SLC25A48: variants seen among roughly 807,000 people sequenced by gnomAD.
SLC25A48 encodes the protein CTC-321K16.1.
SLC25A48 carries 29 observed loss-of-function variants against 32.2 expected under a neutral mutation model. That is an observed-to-expected ratio of 0.90 (90% CI 0.67 to 1.23). The LOEUF (loss-of-function observed/expected upper bound fraction) is 1.23, where lower values mean the gene tolerates loss of function less well. Ranked by LOEUF, SLC25A48 falls within the 50% of genes most tolerant of loss-of-function variation. The pLI is 0.00. For missense variants in SLC25A48, 399 were observed against 422.7 expected, an observed-to-expected ratio of 0.94 and a Z score of 0.49; for synonymous variants, 164 against 172.3, an observed-to-expected ratio of 0.95 and a Z score of 0.38.
intron 3 of SLC25A48, among the ~76,000 whole-genome samples, chr5:135,693,153 T>G (rs1013144604): frequency 2.6e-5 from 4 of 152,256 alleles, no homozygotes; most frequent in Non-Finnish European, 4.4e-5. Flanking sequence ...TTTTAAAAAT[T>G]TAAACTGTCT....
intron 3 of SLC25A48, among the ~76,000 whole-genome samples, chr5:135,639,330 A>T (rs962569314): frequency 6.6e-6 from 1 of 152,234 alleles, no homozygotes; most frequent in Non-Finnish European, 1.5e-5. Context: ...TTGTTCAGAA[A>T]GCTTTATATT....
chr5:135,847,144 A>G (rs922930365), intron 2 of SLC25A48, among the ~76,000 whole-genome samples: 1 of 152,220 alleles, frequency 6.6e-6, no homozygotes. Context: ...GATATTTTCC[A>G]TAATAACTAA....
chr5:135,725,801 T>A (rs1755075855), intron 3 of SLC25A48, among the ~76,000 whole-genome samples: 1 of 152,102 alleles, frequency 6.6e-6, no homozygotes, highest in Non-Finnish European at 1.5e-5. Flanking sequence ...TCAGAGGCAG[T>A]TAACAGATCA....
At chr5:135,661,638 C>A (rs535027674) in intron 3 of SLC25A48, among the ~76,000 whole-genome samples, 3 of 152,172 alleles carry the variant, frequency 2.0e-5, no homozygotes. Context: ...AAGGAGTAAC[C>A]ACTATCAACT....
chr5:135,869,548 T>C (rs1398376909), intron 4 of SLC25A48, among the ~76,000 whole-genome samples: 2 of 152,190 alleles, frequency 1.3e-5, no homozygotes, highest in Non-Finnish European at 2.9e-5. Context: ...TGAAAGCCAC[T>C]ATTTACCCAT....
intron 4 of SLC25A48, among the ~76,000 whole-genome samples, chr5:135,870,010 G>A (rs1410908071): frequency 2.0e-5 from 3 of 152,224 alleles, no homozygotes; most frequent in East Asian, 1.9e-4. Context: ...TCTGGGATGA[G>A]TTAAAGTACA....
In SLC25A48 at chr5:135,834,863, C is replaced by T; in HGVS notation, c.16C>T (p.Leu6=). Residue 6 remains leucine (L), a synonymous_variant, in exon 1 of 8, where the codon CTG becomes TTG. Transcript: ENST00000681962. MGSFQ[L]EDFAAGWIGG... ...AGCGCCGGCCATGGGAAGCTTCCAG[C>T]TGGAAGACTTTGCGGCGGGCTGGAT... 1.2e-6 allele frequency: 2 copies of T among 1,604,590 alleles called. No individual in the cohort carries two copies. The highest frequency in any genetic ancestry group is 1.7e-6 in the Non-Finnish European group (2 of 1,176,430).
intron 1 of SLC25A48, among the ~76,000 whole-genome samples, chr5:135,583,537 G>A (rs1751282388): frequency 6.6e-6 from 1 of 151,756 alleles, no homozygotes; most frequent in Admixed American, 6.6e-5. Context: ...TTCAGCACTG[G>A]TAGAGGCTGA....
intron 3 of SLC25A48, among the ~76,000 whole-genome samples, chr5:135,767,392 G>C (rs376228470): frequency 1.0e-3 from 154 of 152,036 alleles, no homozygotes; most frequent in South Asian, 2.9e-3. Flanking sequence ...CATATTGCGG[G>C]CGGTGCACAC....
chr5:135,832,999 G>C (rs1314181436), upstream of SLC25A48, among the ~76,000 whole-genome samples: 1 of 152,234 alleles, frequency 6.6e-6, no homozygotes, highest in African/African-American at 2.4e-5. Context: ...AAGTGCGAAG[G>C]CCAGGAAGAA....
At chr5:135,585,444 C>T (rs186986366) in intron 1 of SLC25A48, among the ~76,000 whole-genome samples, 2 of 152,300 alleles carry the variant, frequency 1.3e-5, no homozygotes, top group Admixed American at 6.5e-5. Context: ...CTGCTGTCCG[C>T]GTGGCTCGTA....
intron 1 of SLC25A48, among the ~76,000 whole-genome samples, chr5:135,580,191 T>C (rs1458028310): frequency 6.6e-6 from 1 of 152,182 alleles, no homozygotes; most frequent in Non-Finnish European, 1.5e-5. Flanking sequence ...GTCACAGAGC[T>C]AGGAAGCAGG....
intron 2 of SLC25A48, among the ~76,000 whole-genome samples, chr5:135,850,105 C>T (rs986856275): frequency 2.0e-5 from 3 of 152,090 alleles, no homozygotes; most frequent in African/African-American, 7.2e-5. Flanking sequence ...GAGGGTGGAG[C>T]GACAGACAGC....
intron 3 of SLC25A48, among the ~76,000 whole-genome samples, chr5:135,689,370 G>A (rs1754091956): frequency 6.6e-6 from 1 of 152,122 alleles, no homozygotes; most frequent in African/African-American, 2.4e-5. Flanking sequence ...ATGGTTTTGG[G>A]GAAGGAATCA....
chr5:135,872,008 T>G, intron 5 of SLC25A48: 3 of 1,303,458 alleles, frequency 2.3e-6, no homozygotes, highest in Non-Finnish European at 2.9e-6. Context: ...AGGAAATCCA[T>G]TATCATGGTT....
At chr5:135,796,335 C>T (rs1757175291) in intron 3 of SLC25A48, among the ~76,000 whole-genome samples, 3 of 151,782 alleles carry the variant, frequency 2.0e-5, no homozygotes, top group South Asian at 4.1e-4. Flanking sequence ...GTGCACCCCC[C>T]TGTGATATGG....
intron 3 of SLC25A48, among the ~76,000 whole-genome samples, chr5:135,751,675 A>C (rs930924757): frequency 3.9e-5 from 6 of 152,090 alleles, no homozygotes; most frequent in African/African-American, 1.2e-4. Context: ...CTCTACAAAA[A>C]ATGTAAAAAT....
intron 7 of SLC25A48, among the ~76,000 whole-genome samples, chr5:135,881,458 C>T (rs1029885079): frequency 7.2e-5 from 11 of 152,246 alleles, no homozygotes; most frequent in Non-Finnish European, 1.6e-4. Context: ...AAATAAAATG[C>T]TCTCCACTTT....
intron 2 of SLC25A48, among the ~76,000 whole-genome samples, chr5:135,633,760 T>G (rs1752634523): frequency 1.3e-5 from 2 of 152,200 alleles, no homozygotes; most frequent in African/African-American, 4.8e-5. Context: ...TTCTTCTGGA[T>G]TTAGATTTTT....
Sources: allele counts gnomAD v4.1 joint callset (sites outside exome capture counted in the v4.1 genomes callset), GRCh38; gene constraint gnomAD v4.1.1; transcripts MANE v1.5; gene names NCBI Gene and HGNC (gene_info 2026-07-23, HGNC 2026-07-21).